The following POU2F2 variants were observed in gnomAD, a reference collection of about 807,000 sequenced individuals.
POU2F2 encodes POU domain, class 2, transcription factor 2.
Under a neutral mutation model 63.5 loss-of-function variants are expected in POU2F2, and 14 were observed. That is an observed-to-expected ratio of 0.22 (90% CI 0.15 to 0.34). The LOEUF is 0.34. Ranked by LOEUF, POU2F2 falls within the 10% of genes least tolerant of loss-of-function variation. POU2F2 has a pLI of 1.00. For synonymous variants in POU2F2, 306 were observed against 348.6 expected (o/e 0.88, Z 1.36); for missense variants, 607 against 815.2 (o/e 0.74, Z 3.11).
At chr19:42,184,196 T>G (rs1401127536) in intron 1 of POU2F2, among the ~76,000 whole-genome samples, 1 of 152,124 alleles carries the variant, frequency 6.6e-6, no homozygotes, top group Non-Finnish European at 1.5e-5. Flanking sequence ...TTTGCCATGT[T>G]GCACAGCCTG....
At chr19:42,116,883 GGCGGCGGCGGCA>G (rs1568380175) in intron 5 of POU2F2, 3 of 465,758 alleles carry the variant, frequency 6.4e-6, no homozygotes, top group African/African-American at 2.0e-5. Context: ...CGGAGGCGGC[GGCGGCGGCGGCA>G]GCGGCGTTAG....
At chr19:42,171,314 G>GTGTGTC (rs1406863698) in intron 1 of POU2F2, among the ~76,000 whole-genome samples, 3 of 152,148 alleles carry the variant, frequency 2.0e-5, no homozygotes, top group Admixed American at 6.5e-5. Context: ...GTGTATGCGT[G>GTGTGTC]TGTGTCTGTG....
chr19:42,182,495 G>A (rs1420448768), intron 1 of POU2F2, among the ~76,000 whole-genome samples: 2 of 152,042 alleles, frequency 1.3e-5, no homozygotes, highest in Admixed American at 1.3e-4. Context: ...AGAGGAGAAA[G>A]GAGATGGGAG....
rs754744582 is a variant in POU2F2 at position 42,099,804 on chromosome 19, G to C, written c.387C>G (p.Leu129=). 2.5e-6 allele frequency: 4 copies of C among 1,571,978 alleles called. No individual in the cohort carries two copies. The African/African-American group carries it at 5.4e-5, about 21-fold the overall frequency. Residue 129 remains leucine (L), a synonymous_variant, in exon 6 of 15, where the codon CTC becomes CTG. Transcript: ENST00000692977. The part of the protein sequence containing the change: ...SQLAGDIQQL[L]QLQQLVLVPG... Reference sequence around the variant, plus strand: ...GCACAAGCACCAGCTGCTGGAGCTGGAGGAGCTGCTGTATGTCCTGGCAGG... The same window carrying C: ...GCACAAGCACCAGCTGCTGGAGCTGCAGGAGCTGCTGTATGTCCTGGCAGG...
At chr19:42,104,689 T>C (rs1237036474) in intron 5 of POU2F2, among the ~76,000 whole-genome samples, 1 of 152,118 alleles carries the variant, frequency 6.6e-6, no homozygotes, top group Non-Finnish European at 1.5e-5. Context: ...TGGGTATGCA[T>C]AGTTGATGTC....
intron 5 of POU2F2, chr19:42,116,853 G>A (rs962689705): frequency 9.5e-6 from 4 of 422,528 alleles, no homozygotes; most frequent in Admixed American, 5.6e-5. Flanking sequence ...AGGAGGAGGA[G>A]GAGGAAGTAG....
At chr19:42,128,358 G>A (rs1216339686) in intron 1 of POU2F2, among the ~76,000 whole-genome samples, 4 of 152,156 alleles carry the variant, frequency 2.6e-5, no homozygotes, top group African/African-American at 7.2e-5. Context: ...ACTGTGGCTG[G>A]AAAGACAAGA....
At position 42,095,269 on chromosome 19, in the gene POU2F2, A is replaced by T. The variant is rs2076875889; in HGVS notation, c.1197+17T>A. The T allele has an allele frequency of 1.7e-5, 27 of 1,607,372 alleles. No individual in the cohort carries two copies. The highest frequency in any genetic ancestry group is 2.3e-5 in the Non-Finnish European group (27 of 1,177,938). ...GAGCTCTGTGGTCTCCCCACCCCCC[A>T]GGCGGGCTCTTGGTACCATATGGGG... On this transcript the variant is annotated intron_variant, in intron 11 of 14. Coordinates refer to ENST00000692977, the MANE Select transcript of POU2F2 (RefSeq NM_001394376.1). This position sits in a 1 kb window ranked among gnomAD's most constrained non-coding sequence, Gnocchi z 7.1.
At chr19:42,165,067 T>C (rs1478870066) in intron 1 of POU2F2, among the ~76,000 whole-genome samples, 1 of 152,240 alleles carries the variant, frequency 6.6e-6, no homozygotes, top group Admixed American at 6.5e-5. Context: ...TTCTGTTATT[T>C]CTACAATGAA....
At chr19:42,160,438 T>A (rs1015406952) in intron 1 of POU2F2, 4 of 152,152 alleles carry the variant, frequency 2.6e-5, no homozygotes, top group African/African-American at 7.2e-5. Flanking sequence ...GAATTCCCCA[T>A]CCTCATGCAG....
intron 4 of POU2F2, 145 bp downstream of exon 4, chr19:42,121,981 G>C (rs1399463631): frequency 1.2e-6 from 1 of 839,456 alleles, no homozygotes; most frequent in African/African-American, 1.7e-5. Context: ...TGGGGTGGGA[G>C]CCCAAGAGTG....
chr19:42,116,630 A>G (rs2031900233), intron 5 of POU2F2: 2 of 270,686 alleles, frequency 7.4e-6, no homozygotes, highest in Non-Finnish European at 1.5e-5. Flanking sequence ...CATGTGGACC[A>G]GTCAGCCCCT....
At chr19:42,091,621 G>A in intron 14 of POU2F2, 30 bp from the exon 15 acceptor site, 1 of 1,540,682 alleles carries the variant, frequency 6.5e-7, no homozygotes, top group Non-Finnish European at 8.8e-7. Context: ...GCTGGGCTAA[G>A]GGCATGCCGG....
chr19:42,197,780 T>C (rs567666219), upstream of POU2F2, among the ~76,000 whole-genome samples: 27 of 152,210 alleles, frequency 1.8e-4, no homozygotes, highest in African/African-American at 6.3e-4. Context: ...TGGAGACAAA[T>C]TCCAGGCAGA....
In POU2F2 at chr19:42,190,313, C is replaced by A. The variant is rs917228371; in HGVS notation, c.-70+6070G>T. Among the ~76,000 whole-genome samples the A allele has an allele frequency of 2.0e-5, 3 of 149,562 alleles. No homozygotes were observed. In the Admixed American group the frequency reaches 2.0e-4, roughly 10 times the overall value. On this transcript the variant is annotated intron_variant, in intron 1 of 5. Coordinates refer to the POU2F2 transcript ENST00000532176. ...TGTGTGTATATATATGTATAAAAACCTATATATATATATATGTTTGATAAC... is the reference window on the plus strand; with the variant it reads ...TGTGTGTATATATATGTATAAAAACATATATATATATATATGTTTGATAAC...
At chr19:42,124,827 A>G (rs1353396175) in intron 1 of POU2F2, among the ~76,000 whole-genome samples, 1 of 152,244 alleles carries the variant, frequency 6.6e-6, no homozygotes, top group Non-Finnish European at 1.5e-5. Context: ...GACATAATTT[A>G]TGATTCCAAT....
At chr19:42,195,060 AG>A (rs2035121579) in intron 1 of POU2F2, among the ~76,000 whole-genome samples, 2 of 31,780 alleles carry the variant, frequency 6.3e-5, no homozygotes, top group Non-Finnish European at 1.2e-4. Flanking sequence ...GAAGGGAGGG[AG>A]GGAGGGAGGA....
At chr19:42,167,899 C>G (rs2034685116) in intron 1 of POU2F2, among the ~76,000 whole-genome samples, 1 of 152,224 alleles carries the variant, frequency 6.6e-6, no homozygotes, top group Non-Finnish European at 1.5e-5. Context: ...TTGTCAGGGT[C>G]AACCTCCCCA....
At chr19:42,179,179 G>T (rs1440376153), upstream of POU2F2, among the ~76,000 whole-genome samples, 1 of 152,068 alleles carries the variant, frequency 6.6e-6, no homozygotes, top group East Asian at 1.9e-4. Context: ...GTGACAAGAG[G>T]GTCCAGGGAA....
Sources: allele counts gnomAD v4.1 joint callset (sites outside exome capture counted in the v4.1 genomes callset), GRCh38; gene constraint gnomAD v4.1.1; non-coding constraint Gnocchi (gnomAD v3.1); transcripts MANE v1.5; gene names NCBI Gene and HGNC (gene_info 2026-07-23, HGNC 2026-07-21).